PHACTR1: variants seen among roughly 807,000 people sequenced by gnomAD.
PHACTR1 encodes phosphatase and actin regulator 1, also known as RPEL repeat containing 1.
A neutral mutation model predicts 69.2 loss-of-function variants in PHACTR1; 16 were observed. That is an observed-to-expected ratio of 0.23 (90% CI 0.16 to 0.35). The LOEUF (loss-of-function observed/expected upper bound fraction) is 0.35, where lower values mean the gene tolerates loss of function less well. Among genes scored for constraint, PHACTR1 ranks in the 10% least tolerant of loss-of-function variants. The pLI is 1.00. For missense variants in PHACTR1, 510 were observed against 734.7 expected (o/e 0.69, Z 3.54); for synonymous variants, 312 against 284.5 (o/e 1.10, Z -0.97).
chr6:12,812,151 C>T (rs576165308), intron 4 of PHACTR1, among the ~76,000 whole-genome samples: 1 of 152,318 alleles, frequency 6.6e-6, no homozygotes, highest in African/African-American at 2.4e-5. Context: ...TTAGCAGTCA[C>T]TGCCTGTTGT....
chr6:13,055,524 A>AAT (rs1404965743), intron 5 of PHACTR1, among the ~76,000 whole-genome samples: 6 of 152,194 alleles, frequency 3.9e-5, no homozygotes, highest in East Asian at 3.9e-4. Context: ...CATTGAAAAA[A>AAT]ATATATATAT....
Position 12,958,725 on chromosome 6 carries a change from C to T in PHACTR1, c.251-94640C>T, listed in dbSNP as rs376104516. Among the ~76,000 whole-genome samples the T allele has an allele frequency of 1.4e-4, 22 of 152,154 alleles. No homozygotes were observed. The East Asian group carries it at 2.3e-3, about 16-fold the overall frequency. ...TTTTATTGTTTGGCCCCATGAGCTGCTCTAAACAAAATATGGTGATGTTAG... is the reference window on the plus strand; with the variant it reads ...TTTTATTGTTTGGCCCCATGAGCTGTTCTAAACAAAATATGGTGATGTTAG... On this transcript the variant is annotated intron_variant, in intron 4 of 14. Transcript: ENST00000332995.
At chr6:13,131,397 G>A (rs1442649299) in intron 5 of PHACTR1, among the ~76,000 whole-genome samples, 2 of 152,022 alleles carry the variant, frequency 1.3e-5, no homozygotes, top group Non-Finnish European at 2.9e-5. Context: ...GCTAAGCTAT[G>A]AGGATGCAAA....
chr6:12,906,830 CTGGAT>C (rs1785787281), intron 4 of PHACTR1, among the ~76,000 whole-genome samples: 1 of 152,172 alleles, frequency 6.6e-6, no homozygotes, highest in East Asian at 1.9e-4. Flanking sequence ...CGTGTCCACT[CTGGAT>C]CAATGATTAC....
rs1354931133 is a variant in PHACTR1, at chr6:13,275,167, G to A, written c.1447+2252G>A. ...ACAGAGATGCCATGGCTCAGCCCTGGAGCTTTGAGAGCCTTGGGTTGGTTT... is the reference window on the plus strand; with the variant it reads ...ACAGAGATGCCATGGCTCAGCCCTGAAGCTTTGAGAGCCTTGGGTTGGTTT... On this transcript the variant is annotated intron_variant, in intron 11 of 14. Coordinates refer to ENST00000332995, the MANE Select transcript of PHACTR1 (RefSeq NM_030948.6). The surrounding 1 kb of genome is among the most constrained non-coding windows in gnomAD (Gnocchi z 4.0). 2.0e-5 allele frequency: 3 copies of A among 152,368 alleles called. No homozygotes were observed. In the East Asian group the frequency reaches 5.8e-4, roughly 29 times the overall value. The allele number at this position is 152,368 out of a possible 1,614,324, so 9.4% of individuals were successfully genotyped here.
At chr6:13,127,504 A>C (rs1162779285) in intron 5 of PHACTR1, among the ~76,000 whole-genome samples, 1 of 152,210 alleles carries the variant, frequency 6.6e-6, no homozygotes, top group East Asian at 1.9e-4. Context: ...CAGGAGGTTG[A>C]GGTTGCAGTG....
chr6:13,148,263 A>T (rs1411495908), intron 5 of PHACTR1, among the ~76,000 whole-genome samples: 1 of 151,302 alleles, frequency 6.6e-6, no homozygotes, highest in Non-Finnish European at 1.5e-5. Context: ...CTATAATTGC[A>T]TTGCCATCAC....
chr6:13,092,708 T>C (rs941766403), intron 5 of PHACTR1, among the ~76,000 whole-genome samples: 9 of 152,084 alleles, frequency 5.9e-5, no homozygotes. Flanking sequence ...AGTGAGGAAA[T>C]GGGAACGTGG....
intron 5 of PHACTR1, among the ~76,000 whole-genome samples, chr6:13,073,080 C>A (rs893746600): frequency 6.6e-6 from 1 of 151,984 alleles, no homozygotes; most frequent in Admixed American, 6.6e-5. Flanking sequence ...CCACCGTAGT[C>A]CCACATTTTC....
rs58847683 is a variant in PHACTR1, at chr6:13,284,517, C to CAAAA, written c.1650+979_1650+982dup. ...GGATGACAACAGTGAAACTCCATCT[C>CAAAA]AAAAAAAAAAAAAAAAAAAAAAAAA... On this transcript the variant is annotated intron_variant, in intron 13 of 14. Coordinates refer to ENST00000332995, the MANE Select transcript of PHACTR1 (RefSeq NM_030948.6). Among the ~76,000 whole-genome samples, 100 of 40,020 alleles carry CAAAA rather than the reference C, an allele frequency of 2.5e-3. 6 individuals are homozygous for CAAAA. The highest frequency in any genetic ancestry group is 6.1e-3 in the African/African-American group (35 of 5,754). The allele number at this position is 40,020 out of a possible 152,430, so 26.3% of individuals were successfully genotyped here.
At chr6:13,008,178 T>A (rs2127638848) in intron 4 of PHACTR1, among the ~76,000 whole-genome samples, 1 of 152,308 alleles carries the variant, frequency 6.6e-6, no homozygotes, top group Middle Eastern at 3.4e-3. Context: ...AGGGAAAAGC[T>A]AAAGCCAAAG....
intron 4 of PHACTR1, among the ~76,000 whole-genome samples, chr6:13,011,995 T>C (rs1173576771): frequency 1.3e-5 from 2 of 152,296 alleles, no homozygotes; most frequent in Non-Finnish European, 2.9e-5. Flanking sequence ...GATTCACCTG[T>C]GGTTGGCCTG....
Position 13,287,266 on chromosome 6 carries a change from C to T in PHACTR1, c.*188C>T, listed in dbSNP as rs528782005. 1.3e-4 allele frequency: 86 copies of T among 640,218 alleles called. No homozygotes were observed. The highest frequency in any genetic ancestry group is 4.7e-4 in the South Asian group (23 of 48,756). 39.7% of individuals were successfully genotyped at this position (640,218 alleles called of 1,614,324 possible). A position where few individuals can be genotyped will look rare whatever the true frequency, so the allele number is the denominator to read the frequency against. On this transcript the variant is annotated 3_prime_UTR_variant, in exon 15 of 15. Transcript: ENST00000332995. The stretch of plus-strand genomic sequence containing the variant: ...TGAAAACGCAAAAGTGATGGCTCGG[C>T]GGTCCGAGCTGCTGGTCCCACTTCT...
intron 5 of PHACTR1, among the ~76,000 whole-genome samples, chr6:13,128,688 C>T (rs1714945749): frequency 1.3e-5 from 2 of 151,970 alleles, no homozygotes; most frequent in South Asian, 4.2e-4. Flanking sequence ...TTGGCATTCC[C>T]TGAGGAAGAA....
chr6:12,820,174 T>G (rs1330267881), intron 4 of PHACTR1, among the ~76,000 whole-genome samples: 1 of 152,136 alleles, frequency 6.6e-6, no homozygotes, highest in African/African-American at 2.4e-5. Flanking sequence ...AACAAGTTTT[T>G]TTGTTGTTGT....
chr6:13,030,412 G>A lies in PHACTR1; in HGVS notation c.251-22953G>A, dbSNP rs570415722. ...GGAAGAGAAGATGTTGAAAAATAAA[G>A]TATTAAAATGCAGAACATAAAAAAA... On this transcript the variant is annotated intron_variant, in intron 4 of 14. Coordinates refer to ENST00000332995, the MANE Select transcript of PHACTR1 (RefSeq NM_030948.6). Among the ~76,000 whole-genome samples the A allele has an allele frequency of 1.5e-3, 226 of 152,280 alleles. 1 individual carries two copies. The highest frequency in any genetic ancestry group is 4.6e-3 in the African/African-American group (190 of 41,562).
intron 4 of PHACTR1, among the ~76,000 whole-genome samples, chr6:12,861,216 A>G (rs140185714): frequency 6.6e-6 from 1 of 152,348 alleles, no homozygotes; most frequent in East Asian, 1.9e-4. Flanking sequence ...CCTGTTAGGC[A>G]ATTGTGAAGG....
At chr6:12,740,177 G>A (rs1333331916) in intron 3 of PHACTR1, among the ~76,000 whole-genome samples, 3 of 150,952 alleles carry the variant, frequency 2.0e-5, no homozygotes, top group African/African-American at 7.3e-5. Flanking sequence ...TTTTTTTTAT[G>A]TCTGACAATG....
intron 4 of PHACTR1, among the ~76,000 whole-genome samples, chr6:13,027,592 T>C (rs903447021): frequency 6.6e-6 from 1 of 152,184 alleles, no homozygotes; most frequent in Non-Finnish European, 1.5e-5. Context: ...TATGGTTCAA[T>C]GTTGAGGTTT....
Sources: allele counts gnomAD v4.1 joint callset (sites outside exome capture counted in the v4.1 genomes callset), GRCh38; gene constraint gnomAD v4.1.1; non-coding constraint Gnocchi (gnomAD v3.1); transcripts MANE v1.5; gene names NCBI Gene and HGNC (gene_info 2026-07-23, HGNC 2026-07-21).